Variants in GLMN observed in about 807,000 individuals in gnomAD.
The protein encoded by GLMN is glomulin, FKBP associated protein.
In GLMN, 75 loss-of-function variants were observed where a neutral mutation model predicts 87.8. The ratio of observed to expected loss-of-function variants is 0.85; its 90% CI spans 0.71 to 1.04. The LOEUF is 1.04. Among genes scored for constraint, GLMN ranks in the 50% least tolerant of loss-of-function variants. The pLI is 0.00. For missense variants in GLMN, 588 were observed against 658.8 expected, an observed-to-expected ratio of 0.89 and a Z score of 1.18; for synonymous variants, 206 against 221.6, an observed-to-expected ratio of 0.93 and a Z score of 0.63.
intron 18 of GLMN, 91 bp from the exon 19 acceptor site, chr1:92,246,737 AG>A (rs1652720349): frequency 1.3e-6 from 1 of 771,742 alleles, no homozygotes; most frequent in East Asian, 2.6e-5. Context: ...GAGGTAGCTT[AG>A]GAATATTTAA....
the GLMN span, among the ~76,000 whole-genome samples, chr1:92,348,170 T>C: frequency 6.6e-6 from 1 of 152,234 alleles, no homozygotes; most frequent in Non-Finnish European, 1.5e-5. Flanking sequence ...ATTACAGGCA[T>C]GAGCCACTGC....
chr1:92,284,120 T>G (rs889830285), intron 7 of GLMN, among the ~76,000 whole-genome samples: 1 of 152,078 alleles, frequency 6.6e-6, no homozygotes, highest in Non-Finnish European at 1.5e-5. Flanking sequence ...GAAAAAACTA[T>G]TTTAAAGTTG....
At chr1:92,344,967 A>G in the GLMN span, among the ~76,000 whole-genome samples, 2 of 152,142 alleles carry the variant, frequency 1.3e-5, no homozygotes, top group Admixed American at 6.6e-5. Context: ...ATCTTTCTAA[A>G]TGCTTTCTGA....
chr1:92,357,094 T>TACAC, the GLMN span, among the ~76,000 whole-genome samples: 12,179 of 144,776 alleles, frequency 0.084, 1,028 homozygotes, highest in African/African-American at 0.22. Flanking sequence ...AAGGATTACA[T>TACAC]ACACACACAC....
In GLMN at chr1:92,291,464, TC is replaced by T; in HGVS notation, c.238del (p.Asp80IlefsTer9). The T allele has an allele frequency of 6.3e-7, 1 of 1,599,622 alleles. No homozygotes were observed. Among genetic ancestry groups the T allele is most frequent in the Non-Finnish European group, 8.6e-7 (1 of 1,166,810 alleles). On this transcript the variant is annotated frameshift_variant, in exon 4 of 19. Coordinates refer to ENST00000370360, the MANE Select transcript of GLMN (RefSeq NM_053274.3). LOFTEE classifies it high-confidence loss of function. ...CAAAAAATAAACTTTTCTTTTACTA[TC>T]CTCTTTATCTTTACACAAAAGGCAT... ...VRCLLCKDKE[D>X]SKRKVYFLIF... is the part of the protein sequence containing the mutation.
At chr1:92,311,078 G>A in the GLMN span, among the ~76,000 whole-genome samples, 4 of 152,234 alleles carry the variant, frequency 2.6e-5, no homozygotes, top group Non-Finnish European at 5.9e-5. Context: ...CTACTCTGTT[G>A]CTTTTTTAAA....
chr1:92,253,532 C>G (rs1328536787), intron 16 of GLMN, among the ~76,000 whole-genome samples: 1 of 152,198 alleles, frequency 6.6e-6, no homozygotes, highest in African/African-American at 2.4e-5. Flanking sequence ...CGGCTGGCAT[C>G]TGGCGGGTGC....
At chr1:92,314,528 T>G in the GLMN span, among the ~76,000 whole-genome samples, 24,274 of 151,972 alleles carry the variant, frequency 0.16, 2,520 homozygotes, top group Non-Finnish European at 0.21. Context: ...GGCCGGTGGA[T>G]CACTTGAGGT....
Position 92,297,450 on chromosome 1 carries a change from CCTT to C in GLMN, c.116_118del (p.Glu39del). ...AATTTCTAATAGCTGGTCTGTGTGCCCTTCTTCTATGCATCTTTGCCCAGCTAA... is the reference window on the plus strand; with the variant it reads ...AATTTCTAATAGCTGGTCTGTGTGCCCTTCTATGCATCTTTGCCCAGCTAA... On this transcript the variant is annotated inframe_deletion, in exon 3 of 19. Coordinates refer to ENST00000370360, the MANE Select transcript of GLMN (RefSeq NM_053274.3). The C allele has an allele frequency of 1.9e-6, 3 of 1,610,286 alleles. No individual in the cohort carries two copies. The highest frequency in any genetic ancestry group is 1.1e-5 in the South Asian group (1 of 90,966).
At chr1:92,316,884 C>T in the GLMN span, among the ~76,000 whole-genome samples, 1 of 152,156 alleles carries the variant, frequency 6.6e-6, no homozygotes, top group African/African-American at 2.4e-5. Context: ...ATTTCAGTGT[C>T]AGGTACCATT....
chr1:92,291,910 C>A (rs1649457213), intron 3 of GLMN, among the ~76,000 whole-genome samples: 1 of 152,052 alleles, frequency 6.6e-6, no homozygotes, highest in Admixed American at 6.5e-5. Flanking sequence ...TGCTCATGTA[C>A]CTTTTAAAGT....
chr1:92,266,625 AAAAAG>A, intron 12 of GLMN, 70 bp downstream of exon 12: 1 of 1,261,988 alleles, frequency 7.9e-7, no homozygotes, highest in Non-Finnish European at 1.1e-6. Context: ...TAAAATTTTT[AAAAAG>A]AAAATTAAAT....
chr1:92,262,213 CAT>C (rs1170822510), intron 16 of GLMN, among the ~76,000 whole-genome samples: 2 of 152,036 alleles, frequency 1.3e-5, no homozygotes, highest in Non-Finnish European at 2.9e-5. Flanking sequence ...ATTAACAACA[CAT>C]GATTCAGGTA....
intron 11 of GLMN, 118 bp downstream of exon 11, chr1:92,267,795 C>T: frequency 1.4e-6 from 1 of 716,936 alleles, no homozygotes; most frequent in Non-Finnish European, 2.6e-6. Flanking sequence ...GACAGCATTA[C>T]ACCAGAGTTT....
the GLMN span, among the ~76,000 whole-genome samples, chr1:92,313,093 C>T: frequency 6.6e-6 from 1 of 152,206 alleles, no homozygotes; most frequent in Non-Finnish European, 1.5e-5. Context: ...TCTCGAACTC[C>T]TGGCCCCAAG....
chr1:92,320,279 C>CT, the GLMN span, among the ~76,000 whole-genome samples: 27 of 150,998 alleles, frequency 1.8e-4, no homozygotes, highest in African/African-American at 5.8e-4. Context: ...TAATTTTTTT[C>CT]TTTTTTTTTC....
At chr1:92,279,627 A>G (rs1042395752) in intron 7 of GLMN, among the ~76,000 whole-genome samples, 1 of 152,020 alleles carries the variant, frequency 6.6e-6, no homozygotes, top group African/African-American at 2.4e-5. Context: ...CAGCCCACGG[A>G]GGGCAAGCTG....
intron 1 of GLMN, 25 bp from the exon 2 acceptor site, chr1:92,298,054 A>G (rs1017702635): frequency 2.1e-6 from 2 of 973,680 alleles, no homozygotes; most frequent in South Asian, 1.3e-5. Context: ...CACACTGTTA[A>G]CTATCCGTGA....
chr1:92,266,077 AC>A (rs1237309996), intron 13 of GLMN, among the ~76,000 whole-genome samples: 1 of 152,196 alleles, frequency 6.6e-6, no homozygotes, highest in African/African-American at 2.4e-5. Context: ...ATCAATTTGA[AC>A]TGTGAGTAAT....
Sources: allele counts gnomAD v4.1 joint callset (sites outside exome capture counted in the v4.1 genomes callset), GRCh38; gene constraint gnomAD v4.1.1; transcripts MANE v1.5; gene names NCBI Gene and HGNC (gene_info 2026-07-23, HGNC 2026-07-21).